Variants in ITSN1 observed in about 807,000 individuals in gnomAD.
The protein encoded by ITSN1 is intersectin 1, also known as intersectin-1.
In ITSN1, 58 loss-of-function variants were observed where a neutral mutation model predicts 239.8. That is an observed-to-expected ratio of 0.24 (90% CI 0.20 to 0.30). The LOEUF (loss-of-function observed/expected upper bound fraction) is 0.30, where lower values mean the gene tolerates loss of function less well. Among genes scored for constraint, ITSN1 ranks in the 10% least tolerant of loss-of-function variants. ITSN1 has a pLI of 1.00. For missense variants in ITSN1, 1,558 were observed against 2,103.3 expected (o/e 0.74, Z 5.07); for synonymous variants, 780 against 770.8 (o/e 1.01, Z -0.20).
At chr21:33,687,020 A>C (rs1313279829) in intron 1 of ITSN1, among the ~76,000 whole-genome samples, 2 of 152,162 alleles carry the variant, frequency 1.3e-5, no homozygotes, top group Non-Finnish European at 1.5e-5. Flanking sequence ...TTAACTTTAT[A>C]ACTAATAGTT....
At chr21:33,805,907 C>CTT (rs2072388650) in intron 20 of ITSN1, among the ~76,000 whole-genome samples, 1 of 146,988 alleles carries the variant, frequency 6.8e-6, no homozygotes, top group South Asian at 2.2e-4. Flanking sequence ...CTCCTGACCT[C>CTT]AGAAAGAGTT....
intron 11 of ITSN1, among the ~76,000 whole-genome samples, chr21:33,771,608 G>A (rs1286851233): frequency 6.6e-6 from 1 of 152,236 alleles, no homozygotes; most frequent in African/African-American, 2.4e-5. Flanking sequence ...GGCACAGCTT[G>A]TTCTTCAGTG....
intron 1 of ITSN1, among the ~76,000 whole-genome samples, chr21:33,696,275 A>G (rs1359553577): frequency 6.6e-6 from 1 of 152,084 alleles, no homozygotes; most frequent in East Asian, 1.9e-4. Flanking sequence ...TGTGGATCAG[A>G]TTTATCAATA....
intron 5 of ITSN1, among the ~76,000 whole-genome samples, chr21:33,739,397 A>C (rs1314206739): frequency 6.6e-6 from 1 of 152,026 alleles, no homozygotes; most frequent in Non-Finnish European, 1.5e-5. Context: ...ACATGGTTTT[A>C]TTGGATTAAA....
intron 31 of ITSN1, among the ~76,000 whole-genome samples, chr21:33,859,414 G>A (rs963119904): frequency 6.6e-6 from 1 of 151,682 alleles, no homozygotes; most frequent in African/African-American, 2.4e-5. Flanking sequence ...GGTTGGATTC[G>A]ATCATCACAA....
At chr21:33,665,987 G>A (rs1485674622) in intron 1 of ITSN1, among the ~76,000 whole-genome samples, 3 of 151,034 alleles carry the variant, frequency 2.0e-5, no homozygotes, top group Non-Finnish European at 2.9e-5. Flanking sequence ...GAAGTGCAGT[G>A]GCATGATCTC....
intron 1 of ITSN1, among the ~76,000 whole-genome samples, chr21:33,666,638 A>G (rs147757171): frequency 2.0e-5 from 3 of 152,332 alleles, no homozygotes; most frequent in Admixed American, 2.0e-4. Flanking sequence ...TCTAGAAAAG[A>G]TGAAAAATGA....
intron 5 of ITSN1, chr21:33,735,480 G>GTT: frequency 2.8e-6 from 1 of 357,514 alleles, no homozygotes. Flanking sequence ...GCAGCTTCTG[G>GTT]GTTTTTTTTT....
chr21:33,681,817 C>T (rs2090975591), intron 1 of ITSN1, among the ~76,000 whole-genome samples: 1 of 151,206 alleles, frequency 6.6e-6, no homozygotes, highest in African/African-American at 2.4e-5. Context: ...ACTACAGGCG[C>T]CCACCACTAT....
At chr21:33,723,063 A>G (rs1224157485) in intron 4 of ITSN1, among the ~76,000 whole-genome samples, 1 of 152,356 alleles carries the variant, frequency 6.6e-6, no homozygotes, top group Non-Finnish European at 1.5e-5. Context: ...GAGTTAGTGC[A>G]TGGTAAATCC....
chr21:33,869,299 A>C lies in ITSN1; in HGVS notation c.4173+1968A>C, dbSNP rs913223945. Among the ~76,000 whole-genome samples, 4 of 152,218 alleles carry C rather than the reference A, an allele frequency of 2.6e-5. No individual in the cohort carries two copies. The South Asian group carries it at 6.2e-4, about 24-fold the overall frequency. ...AGGGGAAGCAAACACATCCTTCTTCACATAATGGCAAGAAGGAGAAGAATG... is the reference window on the plus strand; with the variant it reads ...AGGGGAAGCAAACACATCCTTCTTCCCATAATGGCAAGAAGGAGAAGAATG... On this transcript the variant is annotated intron_variant, in intron 33 of 39. Transcript: ENST00000381318.
chr21:33,858,177 G>A (rs751790194), intron 30 of ITSN1, among the ~76,000 whole-genome samples: 6 of 152,208 alleles, frequency 3.9e-5, no homozygotes, highest in Non-Finnish European at 5.9e-5. Flanking sequence ...GGTCAGCCCA[G>A]GAGGCTGAGG....
At position 33,772,333 on chromosome 21, in the gene ITSN1, C is replaced by G. The variant is rs566519052; in HGVS notation, c.1305+10C>G. ...AATTGAGAGGCGAGAGGTAAGCAGG[C>G]GAGAGTGGAGCCACCCGGAGTTAGT... is the stretch of plus-strand genomic sequence containing the variant. On this transcript the variant is annotated intron_variant, in intron 12 of 39. Transcript: ENST00000381318. The G allele has an allele frequency of 4.5e-6, 7 of 1,550,964 alleles. No individual in the cohort carries two copies. Among genetic ancestry groups the G allele is most frequent in the Admixed American group, 2.0e-5 (1 of 50,992 alleles).
rs768410170 is a variant in ITSN1 at position 33,772,224 on chromosome 21, G to A, written c.1206G>A (p.Glu402=). Residue 402 remains glutamate (E), a synonymous_variant, in exon 12 of 40, where the codon GAG becomes GAA. Transcript: ENST00000381318. ...AGGAGCGTGAGCGCCAGGAGCAAGA[G>A]CGCAAAAGACAACTGGAACTGGAGA... ...ERKERERQEQ[E]RKRQLELEKQ... 1.2e-6 allele frequency: 2 copies of A among 1,612,022 alleles called. No individual in the cohort carries two copies. The highest frequency in any genetic ancestry group is 2.2e-5 in the East Asian group (1 of 44,858).
chr21:33,653,295 G>A (rs577716054), intron 1 of ITSN1, among the ~76,000 whole-genome samples: 3 of 151,820 alleles, frequency 2.0e-5, no homozygotes, highest in South Asian at 2.1e-4. Context: ...GCACCCAGCC[G>A]TGATTGGGAA....
chr21:33,776,776 A>G (rs954910606), intron 14 of ITSN1, among the ~76,000 whole-genome samples: 2 of 150,356 alleles, frequency 1.3e-5, no homozygotes, highest in Admixed American at 6.6e-5. Flanking sequence ...TTGTCTTACT[A>G]TTTACTTGTA....
At chr21:33,814,986 A>G (rs1404118643) in intron 22 of ITSN1, among the ~76,000 whole-genome samples, 1 of 152,202 alleles carries the variant, frequency 6.6e-6, no homozygotes, top group East Asian at 1.9e-4. Flanking sequence ...GGGATTGAGA[A>G]TAAGGGCCCA....
intron 5 of ITSN1, among the ~76,000 whole-genome samples, chr21:33,745,611 A>C (rs1255654390): frequency 2.0e-5 from 3 of 152,142 alleles, no homozygotes; most frequent in African/African-American, 7.2e-5. Context: ...GGTAATGTGG[A>C]GGGACAGGTT....
intron 7 of ITSN1, among the ~76,000 whole-genome samples, chr21:33,753,761 T>TA (rs760085854): frequency 0.09 from 7,383 of 81,708 alleles, 590 homozygotes; most frequent in Non-Finnish European, 0.12. Flanking sequence ...GTCTCTTTCT[T>TA]AAAAAAAAAA....
Sources: allele counts gnomAD v4.1 joint callset (sites outside exome capture counted in the v4.1 genomes callset), GRCh38; gene constraint gnomAD v4.1.1; transcripts MANE v1.5; gene names NCBI Gene and HGNC (gene_info 2026-07-23, HGNC 2026-07-21).